The following ZFHX3 variants were observed in gnomAD, a reference collection of about 807,000 sequenced individuals.
ZFHX3 encodes zinc finger homeobox 3.
A neutral mutation model predicts 279.1 loss-of-function variants in ZFHX3; 42 were observed. The ratio of observed to expected loss-of-function variants is 0.15; its 90% CI spans 0.12 to 0.19. ZFHX3 has a LOEUF of 0.19. Among genes scored for constraint, ZFHX3 ranks in the 10% least tolerant of loss-of-function variants. The probability of loss-of-function intolerance (pLI) is 1.00; values close to 1 mark genes in which losing one functional copy is unlikely to be tolerated. For synonymous variants in ZFHX3, 2,293 were observed against 1,957.8 expected, an observed-to-expected ratio of 1.17 and a Z score of -4.52; for missense variants, 4,981 against 4,754.0, an observed-to-expected ratio of 1.05 and a Z score of -1.40.
At chr16:73,811,466 C>T (rs1225350277) in intron 1 of ZFHX3, among the ~76,000 whole-genome samples, 9 of 122,846 alleles carry the variant, frequency 7.3e-5, no homozygotes, top group African/African-American at 2.5e-4. Context: ...TTTTTTGAGA[C>T]GGAGTCTTGC....
intron 5 of ZFHX3, among the ~76,000 whole-genome samples, chr16:73,144,015 C>G (rs1015817276): frequency 6.6e-6 from 1 of 152,176 alleles, no homozygotes; most frequent in East Asian, 1.9e-4. Flanking sequence ...GCAAATGACA[C>G]AGTTCCCTGT....
chr16:73,105,396 T>TATATATATGTATACACACACACAC (rs1966287320), intron 7 of ZFHX3, among the ~76,000 whole-genome samples: 1 of 33,082 alleles, frequency 3.0e-5, no homozygotes, highest in Non-Finnish European at 7.5e-5. Context: ...CACACACACA[T>TATATATATGTATACACACACACAC]ATATATATAT....
intron 2 of ZFHX3, among the ~76,000 whole-genome samples, chr16:73,644,217 G>A (rs12149291): frequency 0.061 from 9,220 of 152,110 alleles, 373 homozygotes; most frequent in Middle Eastern, 0.092. Context: ...AACACATGTT[G>A]ATGACTTCCG....
chr16:73,354,547 C>T (rs1228379030), intron 3 of ZFHX3, among the ~76,000 whole-genome samples: 1 of 152,172 alleles, frequency 6.6e-6, no homozygotes, highest in African/African-American at 2.4e-5. Context: ...AGGTAACATG[C>T]CTGTTACCAG....
chr16:72,967,158 T>C (rs1413494776), intron 1 of ZFHX3, among the ~76,000 whole-genome samples: 2 of 152,220 alleles, frequency 1.3e-5, no homozygotes, highest in Admixed American at 1.3e-4. Context: ...CCTGAATCCA[T>C]TCCTTTTCTT....
intron 9 of ZFHX3, chr16:72,789,801 T>A (rs1026641034): frequency 6.6e-6 from 1 of 152,248 alleles, no homozygotes; most frequent in African/African-American, 2.4e-5. Flanking sequence ...AACGACCATC[T>A]TCTTTTCCTG....
chr16:72,960,245 G>C, intron 1 of ZFHX3, 51 bp from the exon 2 acceptor site: 1 of 1,425,446 alleles, frequency 7.0e-7, no homozygotes, highest in Non-Finnish European at 9.3e-7. Flanking sequence ...AAGAGAGAGA[G>C]AAAGGAAAGA....
At chr16:72,963,248 A>G (rs983425042) in intron 1 of ZFHX3, among the ~76,000 whole-genome samples, 2 of 152,112 alleles carry the variant, frequency 1.3e-5, no homozygotes, top group African/African-American at 2.4e-5. Context: ...TGCCAGGGCT[A>G]GCTGGTACAG....
chr16:73,007,814 C>T (rs951586500), intron 1 of ZFHX3, among the ~76,000 whole-genome samples: 2 of 152,176 alleles, frequency 1.3e-5, no homozygotes, highest in South Asian at 2.1e-4. Context: ...ACATCCAAGT[C>T]ATTTCCCAAC....
At chr16:73,310,562 G>A (rs2015301307) in intron 4 of ZFHX3, among the ~76,000 whole-genome samples, 1 of 152,136 alleles carries the variant, frequency 6.6e-6, no homozygotes, top group Admixed American at 6.5e-5. Context: ...CAACTGGGGT[G>A]GCAGCAGTGC....
At chr16:72,809,375 G>T (rs1448050475) in intron 7 of ZFHX3, 7 of 152,116 alleles carry the variant, frequency 4.6e-5, no homozygotes, top group Non-Finnish European at 7.3e-5. Context: ...CATCAGATGG[G>T]AAGTACAATG....
At chr16:72,885,260 T>C (rs1236265217) in intron 4 of ZFHX3, among the ~76,000 whole-genome samples, 2 of 152,240 alleles carry the variant, frequency 1.3e-5, no homozygotes, top group Admixed American at 6.5e-5. Flanking sequence ...GCCTAACTAT[T>C]AGCACACAGC....
chr16:72,786,617 T>G lies in ZFHX3; in HGVS notation c.*547A>C, dbSNP rs1247474057. The G allele has an allele frequency of 2.7e-5, 4 of 147,630 alleles. No individual in the cohort carries two copies. Among genetic ancestry groups the G allele is most frequent in the African/African-American group, 1.0e-4 (4 of 40,000 alleles). 9.1% of individuals were successfully genotyped at this position (147,630 alleles called of 1,614,324 possible). A position where few individuals can be genotyped will look rare whatever the true frequency, so the allele number is the denominator to read the frequency against. On this transcript the variant is annotated 3_prime_UTR_variant, in exon 10 of 10. Transcript: ENST00000268489. ...AAAAAAAAAACTGAAAAAACAATAA[T>G]ATATAAAACAATGATTCTGAAAACA...
intron 1 of ZFHX3, among the ~76,000 whole-genome samples, chr16:73,700,925 T>C (rs541564201): frequency 1.3e-5 from 2 of 152,360 alleles, no homozygotes; most frequent in South Asian, 4.1e-4. Context: ...AAAATTAGTT[T>C]TCTAAAATTG....
At chr16:73,259,167 A>G (rs1208426687) in intron 4 of ZFHX3, among the ~76,000 whole-genome samples, 1 of 152,178 alleles carries the variant, frequency 6.6e-6, no homozygotes. Flanking sequence ...GTGTGTGTGT[A>G]CACACGTGTG....
At chr16:73,095,697 C>T (rs533273365) in intron 7 of ZFHX3, among the ~76,000 whole-genome samples, 1 of 152,272 alleles carries the variant, frequency 6.6e-6, no homozygotes, top group African/African-American at 2.4e-5. Context: ...TAAACATTGG[C>T]CTGATGCCAT....
intron 1 of ZFHX3, among the ~76,000 whole-genome samples, chr16:72,978,645 T>C (rs1028711908): frequency 9.2e-5 from 14 of 152,176 alleles, no homozygotes; most frequent in South Asian, 4.1e-4. Context: ...GGAGACATCG[T>C]TGGACTCTGA....
At chr16:73,774,150 G>C (rs1021868914) in intron 1 of ZFHX3, among the ~76,000 whole-genome samples, 4 of 151,926 alleles carry the variant, frequency 2.6e-5, no homozygotes, top group African/African-American at 9.7e-5. Flanking sequence ...AAGTTAAAAA[G>C]ATACTAAGCT....
intron 2 of ZFHX3, among the ~76,000 whole-genome samples, chr16:73,518,037 G>A (rs1484147203): frequency 6.6e-6 from 1 of 152,102 alleles, no homozygotes; most frequent in Non-Finnish European, 1.5e-5. Context: ...ACAAATTATT[G>A]AGATGCTAAC....
Sources: gnomAD v4.1 joint callset for allele counts (sites outside exome capture counted in the v4.1 genomes callset) on GRCh38, gnomAD v4.1.1 for gene constraint, MANE v1.5 for transcripts, NCBI Gene and HGNC (gene_info 2026-07-23, HGNC 2026-07-21) for gene names.